The following CATSPERE variants were observed in gnomAD, a reference collection of about 807,000 sequenced individuals.
CATSPERE encodes the protein catsper channel auxiliary subunit epsilon, also known as cation channel sperm-associated auxiliary subunit epsilon.
In CATSPERE, 93 loss-of-function variants were observed where a neutral mutation model predicts 114.1. The ratio of observed to expected loss-of-function variants is 0.81; its 90% CI spans 0.69 to 0.97. CATSPERE has a LOEUF of 0.97. CATSPERE is among the 50% of genes least tolerant of loss of function. The pLI is 0.00. For missense variants in CATSPERE, 1,058 were observed against 1,131.6 expected, an observed-to-expected ratio of 0.93 and a Z score of 0.93; for synonymous variants, 341 against 384.1, an observed-to-expected ratio of 0.89 and a Z score of 1.31.
intron 17 of CATSPERE, among the ~76,000 whole-genome samples, chr1:244,600,638 T>C (rs538404882): frequency 6.6e-6 from 1 of 152,210 alleles, no homozygotes; most frequent in South Asian, 2.1e-4. Context: ...CAAAGGTAAC[T>C]GGAGAAGCAA....
chr1:244,601,322 A>G (rs1035552791), intron 17 of CATSPERE, among the ~76,000 whole-genome samples: 1 of 152,220 alleles, frequency 6.6e-6, no homozygotes, highest in African/African-American at 2.4e-5. Flanking sequence ...TTTTTCCAGA[A>G]GGGGAAATTA....
At chr1:244,501,291 T>A (rs1673998429) in intron 7 of CATSPERE, among the ~76,000 whole-genome samples, 1 of 152,228 alleles carries the variant, frequency 6.6e-6, no homozygotes, top group Admixed American at 6.5e-5. Context: ...GAATCCTTTA[T>A]CACTTGAAGA....
At chr1:244,489,164 A>G (rs576325343) in intron 5 of CATSPERE, among the ~76,000 whole-genome samples, 9 of 152,258 alleles carry the variant, frequency 5.9e-5, no homozygotes, top group East Asian at 3.9e-4. Flanking sequence ...CGTTCTTACT[A>G]TGTGTCCCAG....
At chr1:244,628,296 C>G (rs561806425) in intron 20 of CATSPERE, among the ~76,000 whole-genome samples, 56 of 152,118 alleles carry the variant, frequency 3.7e-4, no homozygotes, top group Admixed American at 6.5e-4. Context: ...TAAAGGGGGA[C>G]TAGTGCATGG....
At chr1:244,496,196 G>T (rs1412551332) in intron 6 of CATSPERE, among the ~76,000 whole-genome samples, 4 of 152,102 alleles carry the variant, frequency 2.6e-5, no homozygotes, top group African/African-American at 9.7e-5. Context: ...GATAGTAAAG[G>T]ACACAAAACA....
At chr1:244,464,203 A>T (rs1412419309) in intron 2 of CATSPERE, among the ~76,000 whole-genome samples, 1 of 152,236 alleles carries the variant, frequency 6.6e-6, no homozygotes, top group Non-Finnish European at 1.5e-5. Flanking sequence ...GTTATTATAT[A>T]GGTAGGATAA....
intron 20 of CATSPERE, among the ~76,000 whole-genome samples, chr1:244,628,921 T>C (rs1673545230): frequency 6.6e-6 from 1 of 152,224 alleles, no homozygotes; most frequent in Non-Finnish European, 1.5e-5. Context: ...ACCAGTTCTG[T>C]ACTTACACTT....
chr1:244,533,250 A>G (rs1411058110), intron 8 of CATSPERE, among the ~76,000 whole-genome samples: 1 of 151,828 alleles, frequency 6.6e-6, no homozygotes, highest in African/African-American at 2.4e-5. Flanking sequence ...TCATGTCTTT[A>G]TAGGTTAAGC....
rs1019885384 is a variant in CATSPERE, at chr1:244,568,014, A to C, written c.1508-4316A>C. Among the ~76,000 whole-genome samples the C allele has an allele frequency of 9.2e-5, 14 of 151,924 alleles. No individual in the cohort carries two copies. Among genetic ancestry groups the C allele is most frequent in the African/African-American group, 3.4e-4 (14 of 41,350 alleles). On this transcript the variant is annotated intron_variant, in intron 10 of 21. Transcript: ENST00000366534. The surrounding 1 kb of genome is among the most constrained non-coding windows in gnomAD (Gnocchi z 4.4). The stretch of plus-strand genomic sequence containing the variant: ...GGTCTTTGATGTTGGTGACCTTTAC[A>C]TGGGGTTTTTGTGTGGATGTCCTTT...
At chr1:244,494,515 A>G (rs1390551400) in intron 6 of CATSPERE, among the ~76,000 whole-genome samples, 2 of 150,828 alleles carry the variant, frequency 1.3e-5, no homozygotes, top group Non-Finnish European at 3.0e-5. Flanking sequence ...TGACGAGTTA[A>G]TGGGTGCAGC....
intron 2 of CATSPERE, among the ~76,000 whole-genome samples, chr1:244,467,520 G>A (rs1242771121): frequency 6.6e-6 from 1 of 152,188 alleles, no homozygotes; most frequent in Non-Finnish European, 1.5e-5. Flanking sequence ...TAGAAGGAAT[G>A]CAGGTTGGTA....
In CATSPERE at chr1:244,572,472, A is replaced by G. The variant is rs769866401; in HGVS notation, c.1650A>G (p.Thr550=). ...TTTTCTTAAGTACATCTGGTCAAAC[A>G]TATTTCCTGTATGCTTTGGATGATG... The part of the protein sequence containing the change: ...AFIFLSTSGQ[T]YFLYALDDGT... The change falls in exon 11 of 22, where the codon ACA becomes ACG. Residue 550 remains threonine, a synonymous_variant. Coordinates refer to ENST00000366534, the MANE Select transcript of CATSPERE (RefSeq NM_001130957.2). 6.2e-7 allele frequency: 1 copy of G among 1,614,138 alleles called. No individual in the cohort carries two copies. Among genetic ancestry groups the G allele is most frequent in the Admixed American group, 1.7e-5 (1 of 60,030 alleles).
At chr1:244,515,623 C>G (rs925342034) in intron 7 of CATSPERE, among the ~76,000 whole-genome samples, 2 of 152,050 alleles carry the variant, frequency 1.3e-5, no homozygotes, top group African/African-American at 4.8e-5. Context: ...TAAGGCCAGA[C>G]CCTGGGAACC....
intron 20 of CATSPERE, among the ~76,000 whole-genome samples, chr1:244,634,013 AC>A (rs1160021114): frequency 6.6e-6 from 1 of 151,326 alleles, no homozygotes; most frequent in Non-Finnish European, 1.5e-5. Flanking sequence ...ATAGGCACAG[AC>A]CCCCACACCT....
At chr1:244,618,227 T>G (rs1671640152) in intron 20 of CATSPERE, among the ~76,000 whole-genome samples, 1 of 152,132 alleles carries the variant, frequency 6.6e-6, no homozygotes, top group Non-Finnish European at 1.5e-5. Context: ...GAAATCACAC[T>G]AATAACGGAA....
chr1:244,541,278 A>G (rs912622580), intron 8 of CATSPERE, among the ~76,000 whole-genome samples: 13 of 150,248 alleles, frequency 8.7e-5, no homozygotes, highest in Non-Finnish European at 1.6e-4. Context: ...GCTAATATCC[A>G]GAATCTACAA....
intron 2 of CATSPERE, among the ~76,000 whole-genome samples, chr1:244,471,635 A>G (rs3006013): frequency 0.66 from 100,922 of 152,106 alleles, 34,200 homozygotes; most frequent in African/African-American, 0.8. Flanking sequence ...AAACCATACT[A>G]TATATAGTCT....
chr1:244,590,906 ACAAG>A (rs1192433133), intron 14 of CATSPERE, among the ~76,000 whole-genome samples: 55 of 152,314 alleles, frequency 3.6e-4, no homozygotes, highest in African/African-American at 1.2e-3. Context: ...ATATTTGTGT[ACAAG>A]TGTTTGTTTG....
chr1:244,511,389 G>A (rs1675731193), intron 7 of CATSPERE, among the ~76,000 whole-genome samples: 1 of 151,738 alleles, frequency 6.6e-6, no homozygotes, highest in South Asian at 2.1e-4. Context: ...ATATATAGTT[G>A]GATTGTGTTT....
Sources: gnomAD v4.1 joint callset for allele counts (sites outside exome capture counted in the v4.1 genomes callset) on GRCh38, gnomAD v4.1.1 for gene constraint, Gnocchi (gnomAD v3.1) non-coding constraint, MANE v1.5 for transcripts, NCBI Gene and HGNC (gene_info 2026-07-23, HGNC 2026-07-21) for gene names.